The following MYO19 variants were observed in gnomAD, a reference collection of about 807,000 sequenced individuals.
MYO19 encodes the protein myosin XIX.
In MYO19, 132 loss-of-function variants were observed where a neutral mutation model predicts 129.2. The observed-to-expected ratio is 1.02, with a 90% CI of 0.89 to 1.18. MYO19 has a LOEUF of 1.18. MYO19 is among the 50% of genes most tolerant of loss of function. MYO19 has a pLI of 0.00. For missense variants in MYO19, 1,210 were observed against 1,216.7 expected (o/e 0.99, Z 0.08); for synonymous variants, 531 against 477.2 (o/e 1.11, Z -1.47).
At chr17:36,506,398 A>G in intron 18 of MYO19, 58 bp downstream of exon 18, 1 of 1,605,046 alleles carries the variant, frequency 6.2e-7, no homozygotes, top group Non-Finnish European at 8.5e-7. Context: ...TGCTCAATAA[A>G]TATTTGTGAG....
At chr17:36,512,723 T>G (rs1261619105) in intron 11 of MYO19, 1 of 1,288,996 alleles carries the variant, frequency 7.8e-7, no homozygotes, top group Non-Finnish European at 1.0e-6. Flanking sequence ...GCTACCTCCC[T>G]GAAGTGGCCT....
rs774525816 is a variant in MYO19 at position 36,496,365 on chromosome 17, A to G, written c.2799T>C (p.Tyr933=). Residue 933 remains tyrosine (Y), a synonymous_variant, in exon 26 of 26, where the codon TAT becomes TAC. Transcript: ENST00000614623. The part of the protein sequence containing the change: ...KFHCRKSPLR[Y]ADICPEPSPY... ...GTGAAGGTTCAGGGCAGATGTCAGCATACCGCAGTGGAGACTTTCTGCAGT... is the reference window on the plus strand; with the variant it reads ...GTGAAGGTTCAGGGCAGATGTCAGCGTACCGCAGTGGAGACTTTCTGCAGT... The G allele has an allele frequency of 5.6e-6, 9 of 1,613,926 alleles. No individual in the cohort carries two copies. The highest frequency in any genetic ancestry group is 1.1e-5 in the South Asian group (1 of 91,092).
chr17:36,522,123 C>T (rs1172829213), intron 6 of MYO19, among the ~76,000 whole-genome samples: 1 of 151,766 alleles, frequency 6.6e-6, no homozygotes, highest in East Asian at 1.9e-4. Context: ...ATTATAAAAC[C>T]CAGCCAAAAT....
chr17:36,518,610 GTA>G (rs373942887), intron 6 of MYO19, among the ~76,000 whole-genome samples: 1 of 129,388 alleles, frequency 7.7e-6, no homozygotes, highest in African/African-American at 2.9e-5. Flanking sequence ...ATAAAAGTAT[GTA>G]TATATATGTC....
At chr17:36,525,046 C>A (rs1470235914) in intron 6 of MYO19, among the ~76,000 whole-genome samples, 182 bp downstream of exon 6, 2 of 152,192 alleles carry the variant, frequency 1.3e-5, no homozygotes, top group Non-Finnish European at 2.9e-5. Flanking sequence ...GGACTGGTAT[C>A]CTGTCTCTTG....
At position 36,509,085 on chromosome 17, in the gene MYO19, G is replaced by T. The variant is rs2072130437; in HGVS notation, c.1208C>A (p.Thr403Asn). The change falls in exon 14 of 26, where the codon ACC becomes AAC. Residue 403 changes from threonine (T) to asparagine (N), a missense_variant. Transcript: ENST00000614623. ...SVINSSICAD[T>N]DSWTTFIGLL... ...ACCTATGAAAGTGGTCCACGAGTCG[G>T]TGTCTGCACAGATGCTGCTGTTGAT... 6.2e-7 allele frequency: 1 copy of T among 1,613,836 alleles called. No individual in the cohort carries two copies. The highest frequency in any genetic ancestry group is 1.1e-5 in the South Asian group (1 of 91,030).
In MYO19 at chr17:36,506,208, C is replaced by G. The variant is rs150967038; in HGVS notation, c.1797+248G>C. On this transcript the variant is annotated intron_variant, in intron 18 of 25. Coordinates refer to ENST00000614623, the MANE Select transcript of MYO19 (RefSeq NM_001163735.2). ...CCTCTTCCCATGAGCACCCCAGTGGCAGGGGGTGAGAGGCTGCATAGTGCC... is the reference window on the plus strand; with the variant it reads ...CCTCTTCCCATGAGCACCCCAGTGGGAGGGGGTGAGAGGCTGCATAGTGCC... 1.8e-3 allele frequency among the ~76,000 whole-genome samples: 274 copies of G among 152,234 alleles called. 1 individual carries two copies. The highest frequency in any genetic ancestry group is 6.4e-3 in the African/African-American group (265 of 41,536).
rs937268106 is a variant in MYO19, at chr17:36,515,839, C to A, written c.547+19G>T. 6.2e-6 allele frequency: 10 copies of A among 1,605,764 alleles called. No homozygotes were observed. Among genetic ancestry groups the A allele is most frequent in the Middle Eastern group, 1.7e-4 (1 of 6,018 alleles). ...GAGGAAATGGGACTGAGATACTGTG[C>A]AAAGGAGCCCAAGCTCACCAAAAGC... On this transcript the variant is annotated intron_variant, in intron 7 of 25. Coordinates refer to ENST00000614623, the MANE Select transcript of MYO19 (RefSeq NM_001163735.2).
rs780978540 is a variant in MYO19 at position 36,523,201 on chromosome 17, AC to A, written c.414+2026del. ...CTGTCTCAAAAAAAAAAAAAAAAAA[AC>A]AAAAACAAAATAAAGAGAACGCTAT... On this transcript the variant is annotated intron_variant, in intron 6 of 25. Coordinates refer to ENST00000614623, the MANE Select transcript of MYO19 (RefSeq NM_001163735.2). Among the ~76,000 whole-genome samples, 531 of 137,776 alleles carry A rather than the reference AC, an allele frequency of 3.9e-3. 5 individuals are homozygous for A. Among genetic ancestry groups the A allele is most frequent in the South Asian group, 0.017 (72 of 4,126 alleles). The allele number at this position is 137,776 out of a possible 152,430, so 90.4% of individuals were successfully genotyped here. A position where few individuals can be genotyped will look rare whatever the true frequency, so the allele number is the denominator to read the frequency against.
intron 1 of MYO19, among the ~76,000 whole-genome samples, chr17:36,542,892 T>G (rs2074204207): frequency 6.6e-6 from 1 of 151,300 alleles, no homozygotes. Flanking sequence ...ATTTTTGTAT[T>G]TTTAGTAGAG....
At chr17:36,527,745 A>G (rs1032067820) in intron 4 of MYO19, 46 bp from the exon 5 acceptor site, 5 of 1,579,222 alleles carry the variant, frequency 3.2e-6, no homozygotes, top group East Asian at 2.2e-5. Context: ...AATATAGTCA[A>G]ACCACACACA....
Position 36,528,122 on chromosome 17 carries a change from C to T in MYO19, c.93G>A (p.Glu31=), listed in dbSNP as rs893855959. 13 of 1,613,650 alleles carry T rather than the reference C, an allele frequency of 8.1e-6. No homozygotes were observed. Among genetic ancestry groups the T allele is most frequent in the African/African-American group, 6.7e-5 (5 of 74,922 alleles). ...REDLQEFLGG[E]VLLYKLDDLT... is the part of the protein sequence containing the mutation. Reference sequence around the variant, plus strand: ...GGTCATCCAGTTTGTACAGCAGGACCTCCCCACCCAGGAACTCCTGCAGGT... The same window carrying T: ...GGTCATCCAGTTTGTACAGCAGGACTTCCCCACCCAGGAACTCCTGCAGGT... Residue 31 remains glutamate, a synonymous_variant, in exon 4 of 26, where the codon GAG becomes GAA. Transcript: ENST00000614623.
Position 36,507,925 on chromosome 17 carries a change from C to A in MYO19, c.1232-1G>T. ...TCAAATCCATACACATCCAGCAGGC[C>A]TGGGAAGATGGCAGAGAACCCATGG... is the stretch of plus-strand genomic sequence containing the variant. On this transcript the variant is annotated splice_acceptor_variant, in intron 14 of 25. Coordinates refer to ENST00000614623, the MANE Select transcript of MYO19 (RefSeq NM_001163735.2). LOFTEE classifies it high-confidence loss of function. 6.3e-7 allele frequency: 1 copy of A among 1,596,474 alleles called. No individual in the cohort carries two copies. The highest frequency in any genetic ancestry group is 1.1e-5 in the South Asian group (1 of 89,412).
At chr17:36,500,231 G>A (rs1457524740) in intron 23 of MYO19, 1 of 152,268 alleles carries the variant, frequency 6.6e-6, no homozygotes, top group African/African-American at 2.4e-5. Context: ...TTAATATGTA[G>A]TTTGACATCT....
chr17:36,502,929 A>G, intron 21 of MYO19, 168 bp downstream of exon 21: 1 of 638,038 alleles, frequency 1.6e-6, no homozygotes, highest in Non-Finnish European at 2.8e-6. Flanking sequence ...CTGCTTTTCC[A>G]CTTTCCATGC....
At chr17:36,512,475 G>A (rs1161473131) in intron 11 of MYO19, among the ~76,000 whole-genome samples, 1 of 151,938 alleles carries the variant, frequency 6.6e-6, no homozygotes, top group Non-Finnish European at 1.5e-5. Flanking sequence ...TCCCAGGCAG[G>A]GTGCCTCCAT....
chr17:36,504,043 C>T, intron 19 of MYO19, 23 bp from the exon 20 acceptor site: 5 of 1,533,294 alleles, frequency 3.3e-6, no homozygotes, highest in Non-Finnish European at 3.5e-6. Context: ...GGAGACAGGG[C>T]AGGCACCTGC....
chr17:36,530,451 C>CTTTTT lies in MYO19; in HGVS notation c.12+2071_12+2075dup, dbSNP rs11292870. On this transcript the variant is annotated intron_variant, in intron 3 of 25. Transcript: ENST00000614623. ...TTAGCTATTCTTCTTCTAAAAGTGG[C>CTTTTT]TTTTTTTTTTTTTTTTTTTTTTTGA... 3.5e-4 allele frequency among the ~76,000 whole-genome samples: 33 copies of CTTTTT among 94,830 alleles called. 2 individuals carry two copies. The highest frequency in any genetic ancestry group is 4.7e-4 in the African/African-American group (12 of 25,572). The allele number at this position is 94,830 out of a possible 152,430, so 62.2% of individuals were successfully genotyped here. A position where few individuals can be genotyped will look rare whatever the true frequency, so the allele number is the denominator to read the frequency against.
Position 36,514,550 on chromosome 17 carries a change from T to C in MYO19, c.618-2A>G, listed in dbSNP as rs1186507383. 3 of 1,600,618 alleles carry C rather than the reference T, an allele frequency of 1.9e-6. No individual in the cohort carries two copies. ...GCGGCTCCAGTCATTTGCTGAGCCC[T>C]GGGACACACACAGGCCAGAGCCCGT... On this transcript the variant is annotated splice_acceptor_variant, in intron 8 of 25. Coordinates refer to ENST00000614623, the MANE Select transcript of MYO19 (RefSeq NM_001163735.2). LOFTEE classifies it high-confidence loss of function.
Sources: gnomAD v4.1 joint callset for allele counts (sites outside exome capture counted in the v4.1 genomes callset) on GRCh38, gnomAD v4.1.1 for gene constraint, MANE v1.5 for transcripts, NCBI Gene and HGNC (gene_info 2026-07-23, HGNC 2026-07-21) for gene names.